Variants in CDKN3 observed in about 807,000 individuals in gnomAD.
The protein encoded by CDKN3 is cyclin dependent kinase inhibitor 3.
In CDKN3, 19 loss-of-function variants were observed where a neutral mutation model predicts 36.1. That is an observed-to-expected ratio of 0.53 (90% confidence interval 0.37 to 0.77). CDKN3 has a LOEUF of 0.77. Ranked by LOEUF, CDKN3 falls within the 30% of genes least tolerant of loss-of-function variation. The pLI, the probability that CDKN3 is intolerant of heterozygous loss-of-function variation, is 0.00. For synonymous variants in CDKN3, 71 were observed against 85.3 expected, an observed-to-expected ratio of 0.83 and a Z score of 0.92; for missense variants, 188 against 248.6, an observed-to-expected ratio of 0.76 and a Z score of 1.64.
intron 1 of CDKN3, among the ~76,000 whole-genome samples, chr14:54,398,899 TCTC>T (rs1486230195): frequency 1.3e-5 from 2 of 151,944 alleles, no homozygotes; most frequent in East Asian, 3.9e-4. Flanking sequence ...AACTACTTCA[TCTC>T]CTCTACTCCA....
At chr14:54,414,725 T>C (rs2030480115) in intron 5 of CDKN3, among the ~76,000 whole-genome samples, 1 of 149,936 alleles carries the variant, frequency 6.7e-6, no homozygotes, top group African/African-American at 2.5e-5. Context: ...TTTTTTTTTT[T>C]TTTTGGAGAG....
intron 1 of CDKN3, 141 bp downstream of exon 1, chr14:54,397,218 T>C (rs1024470984): frequency 3.0e-6 from 3 of 996,288 alleles, no homozygotes; most frequent in Non-Finnish European, 4.1e-6. Context: ...GTCGGGGAGG[T>C]GACTCGCACG....
intron 3 of CDKN3, among the ~76,000 whole-genome samples, chr14:54,402,869 G>A (rs1414564601): frequency 6.6e-6 from 1 of 152,126 alleles, no homozygotes; most frequent in African/African-American, 2.4e-5. Context: ...TAGATGTATG[G>A]TGTTATTTCT....
At chr14:54,399,487 C>T (rs1165991213) in intron 1 of CDKN3, among the ~76,000 whole-genome samples, 1 of 152,212 alleles carries the variant, frequency 6.6e-6, no homozygotes, top group Non-Finnish European at 1.5e-5. Flanking sequence ...TGAAGGCAGG[C>T]TATTTATCTT....
intron 7 of CDKN3, 170 bp downstream of exon 7, chr14:54,418,121 T>G (rs576048378): frequency 1.4e-6 from 1 of 694,068 alleles, no homozygotes; most frequent in East Asian, 2.7e-5. Context: ...TTTTTAAAAA[T>G]TTACAAGTAA....
At chr14:54,413,781 C>A in intron 5 of CDKN3, 1 of 1,427,178 alleles carries the variant, frequency 7.0e-7, no homozygotes, top group South Asian at 1.5e-5. Context: ...TGGACATTTG[C>A]AGCCCTTTAT....
chr14:54,417,993 G>A (rs766385732), intron 7 of CDKN3, 42 bp downstream of exon 7: 28 of 1,141,526 alleles, frequency 2.5e-5, no homozygotes, highest in African/African-American at 4.6e-5. Flanking sequence ...GGTTGGGGTC[G>A]TTGTTACAAA....
At chr14:54,408,128 C>T (rs890048671) in intron 3 of CDKN3, among the ~76,000 whole-genome samples, 4 of 152,098 alleles carry the variant, frequency 2.6e-5, no homozygotes, top group African/African-American at 9.7e-5. Flanking sequence ...GGGTATATAC[C>T]TAGTTGTAGG....
chr14:54,409,783 A>G (rs1594604871), intron 4 of CDKN3, among the ~76,000 whole-genome samples: 2 of 150,844 alleles, frequency 1.3e-5, no homozygotes, highest in Admixed American at 6.6e-5. Context: ...CAGTGAGCTG[A>G]GATGGTGCTG....
chr14:54,401,485 A>C, intron 2 of CDKN3, 39 bp from the exon 3 acceptor site: 1 of 1,452,964 alleles, frequency 6.9e-7, no homozygotes, highest in Non-Finnish European at 9.6e-7. Context: ...TAACTTTTTA[A>C]AAACTTAACT....
chr14:54,412,861 C>T (rs185490015), intron 5 of CDKN3: 27 of 516,794 alleles, frequency 5.2e-5, no homozygotes, highest in African/African-American at 3.8e-4. Context: ...AAATAGTTTA[C>T]GACCTCAAAA....
At chr14:54,401,192 G>A (rs2029923759) in intron 2 of CDKN3, among the ~76,000 whole-genome samples, 1 of 152,096 alleles carries the variant, frequency 6.6e-6, no homozygotes, top group African/African-American at 2.4e-5. Context: ...TGTCCAGGCT[G>A]GTCTTGAACT....
At chr14:54,406,529 G>T (rs1487905993) in intron 3 of CDKN3, among the ~76,000 whole-genome samples, 1 of 151,962 alleles carries the variant, frequency 6.6e-6, no homozygotes, top group Non-Finnish European at 1.5e-5. Flanking sequence ...TGGAGGCCTT[G>T]TTCATTCCTT....
chr14:54,416,981 C>T (rs2030574712), intron 6 of CDKN3, among the ~76,000 whole-genome samples: 1 of 152,060 alleles, frequency 6.6e-6, no homozygotes, highest in South Asian at 2.1e-4. Flanking sequence ...ACAGTGGATA[C>T]CACTTGACAC....
Position 54,420,098 on chromosome 14 carries a change from A to C in CDKN3, c.*20A>C. On this transcript the variant is annotated 3_prime_UTR_variant, in exon 8 of 8. Transcript: ENST00000335183. ...AGATAAAGGAATTCAAATAGCATAT[A>C]TATGACCATGTCTGAAATGTCAGTT... 7.4e-7 allele frequency: 1 copy of C among 1,348,132 alleles called. No individual in the cohort carries two copies. The highest frequency in any genetic ancestry group is 1.1e-6 in the Non-Finnish European group (1 of 941,270). 83.5% of individuals were successfully genotyped at this position (1,348,132 alleles called of 1,614,324 possible). A position where few individuals can be genotyped will look rare whatever the true frequency, so the allele number is the denominator to read the frequency against.
rs1321375644 is a variant in CDKN3, at chr14:54,413,589, A to AT, written c.416+1888dup. ...TAAAATAAAGCATCTGACAACTGGC[A>AT]TTTTTCATTGTCCTAGAGCTTTCGA... On this transcript the variant is annotated intron_variant, in intron 5 of 7. Coordinates refer to ENST00000335183, the MANE Select transcript of CDKN3 (RefSeq NM_005192.4). The AT allele has an allele frequency of 1.3e-5, 20 of 1,514,552 alleles. No homozygotes were observed. In the East Asian group the frequency reaches 2.2e-4, roughly 17 times the overall value. 93.8% of individuals were successfully genotyped at this position (1,514,552 alleles called of 1,614,324 possible).
rs925941459 is a variant in CDKN3 at position 54,397,008 on chromosome 14, C to G, written c.-61C>G. 6.0e-5 allele frequency: 86 copies of G among 1,433,494 alleles called. 1 individual carries two copies. The East Asian group carries it at 2.4e-3, about 40-fold the overall frequency. The allele number at this position is 1,433,494 out of a possible 1,614,324, so 88.8% of individuals were successfully genotyped here. ...GCGGGGCGCGGGCTCGGCCGGGGCA[C>G]CGGTGAGTCGCCGGCGCTGCAGAGG... On this transcript the variant is annotated 5_prime_UTR_variant, in exon 1 of 8. Transcript: ENST00000335183.
At chr14:54,412,698 T>C (rs367886714) in intron 5 of CDKN3, 83 of 332,218 alleles carry the variant, frequency 2.5e-4, no homozygotes, top group African/African-American at 1.5e-3. Flanking sequence ...AAAGGGGCGA[T>C]GTGGATAAAA....
intron 5 of CDKN3, chr14:54,412,729 A>G: frequency 2.8e-6 from 1 of 359,916 alleles, no homozygotes; most frequent in South Asian, 2.0e-5. Flanking sequence ...GCTCTGCCGG[A>G]AGTGAAACAC....
Sources: allele counts gnomAD v4.1 joint callset (sites outside exome capture counted in the v4.1 genomes callset), GRCh38; gene constraint gnomAD v4.1.1; transcripts MANE v1.5; gene names NCBI Gene and HGNC (gene_info 2026-07-23, HGNC 2026-07-21).